The following DEDD variants were observed in gnomAD, a reference collection of about 807,000 sequenced individuals.
The protein encoded by DEDD is death effector domain-containing protein.
Under a neutral mutation model 29.2 loss-of-function variants are expected in DEDD, and 3 were observed. That is an observed-to-expected ratio of 0.10 (90% CI 0.05 to 0.27). DEDD has a LOEUF of 0.27. Among genes scored for constraint, DEDD ranks in the 10% least tolerant of loss-of-function variants. The pLI is 1.00. For missense variants in DEDD, 261 were observed against 420.5 expected, an observed-to-expected ratio of 0.62 and a Z score of 3.32; for synonymous variants, 152 against 161.3, an observed-to-expected ratio of 0.94 and a Z score of 0.44.
intron 4 of DEDD, 67 bp from the exon 5 acceptor site, chr1:161,123,288 G>T: frequency 1.4e-6 from 2 of 1,436,352 alleles, no homozygotes; most frequent in Non-Finnish European, 1.9e-6. Flanking sequence ...ACTTCTGTTG[G>T]AATGAGGAAG....
intron 2 of DEDD, chr1:161,124,795 T>G: frequency 4.6e-6 from 1 of 218,924 alleles, no homozygotes; most frequent in Non-Finnish European, 8.9e-6. Flanking sequence ...GACCCGTTTC[T>G]ACAAAAAAAG....
intron 2 of DEDD, among the ~76,000 whole-genome samples, chr1:161,126,672 A>G (rs776611088): frequency 1.3e-5 from 2 of 152,028 alleles, no homozygotes; most frequent in African/African-American, 2.4e-5. Context: ...ACACACATCA[A>G]GCCTTCTAAG....
chr1:161,127,069 T>G (rs759372244), intron 2 of DEDD, among the ~76,000 whole-genome samples: 9 of 152,222 alleles, frequency 5.9e-5, no homozygotes, highest in Non-Finnish European at 1.3e-4. Flanking sequence ...CATGGAGAGA[T>G]ATATTCATCT....
chr1:161,122,666 T>C lies in DEDD; in HGVS notation c.581-143A>G. The C allele has an allele frequency of 8.9e-7, 1 of 1,124,366 alleles. No individual in the cohort carries two copies. The highest frequency in any genetic ancestry group is 2.5e-5 in the East Asian group (1 of 40,460). The allele number at this position is 1,124,366 out of a possible 1,614,324, so 69.6% of individuals were successfully genotyped here. A position where few individuals can be genotyped will look rare whatever the true frequency, so the allele number is the denominator to read the frequency against. On this transcript the variant is annotated intron_variant, in intron 5 of 5. Coordinates refer to ENST00000368006, the MANE Select transcript of DEDD (RefSeq NM_032998.3). This position sits in a 1 kb window ranked among gnomAD's most constrained non-coding sequence, Gnocchi z 4.2. ...CTTCTCTACCTCTTCCCCAGGACTA[T>C]TTCTATGTATCTCTGAAATCCTTGC...
intron 2 of DEDD, among the ~76,000 whole-genome samples, chr1:161,129,751 C>G (rs1473694998): frequency 1.3e-5 from 2 of 152,104 alleles, no homozygotes; most frequent in South Asian, 2.1e-4. Flanking sequence ...AGAACTAACT[C>G]AAGTCTTGGT....
At chr1:161,123,760 C>A in intron 4 of DEDD, 79 bp downstream of exon 4, 1 of 1,299,458 alleles carries the variant, frequency 7.7e-7, no homozygotes, top group Non-Finnish European at 1.1e-6. Context: ...TTCATTTAAG[C>A]TGGCAAAGCC....
chr1:161,129,908 G>C (rs1332156142), intron 2 of DEDD, among the ~76,000 whole-genome samples: 1 of 152,200 alleles, frequency 6.6e-6, no homozygotes, highest in East Asian at 1.9e-4. Flanking sequence ...AGGAATTGTT[G>C]TATTTCCTGG....
Position 161,123,216 on chromosome 1 carries a change from G to A in DEDD, c.439C>T (p.Pro147Ser). 1 of 1,613,238 alleles carries A rather than the reference G, an allele frequency of 6.2e-7. No homozygotes were observed. Among genetic ancestry groups the A allele is most frequent in the Non-Finnish European group, 8.5e-7 (1 of 1,179,168 alleles). ...GGGCAACACACCACAGGATAGTGGG[G>A]AGGCACTGACCAGAAAGTAAAAGGG... ...RPPQPSKTVPPHYPVVCCPTS... is the reference protein window; with the variant it reads ...RPPQPSKTVPSHYPVVCCPTS... The change falls in exon 5 of 6, where the codon CCC (proline) becomes TCC (serine). Residue 147 changes from proline to serine, a missense_variant. Physicochemically the swap from Pro to Ser is moderately conservative, Grantham distance 74. Transcript: ENST00000368006.
rs1655428065 is a variant in DEDD, at chr1:161,120,986, G to A, written c.*1161C>T. 7.1e-7 allele frequency: 1 copy of A among 1,406,856 alleles called. No individual in the cohort carries two copies. Among genetic ancestry groups the A allele is most frequent in the Non-Finnish European group, 9.2e-7 (1 of 1,083,702 alleles). 87.1% of individuals were successfully genotyped at this position (1,406,856 alleles called of 1,614,324 possible). A position where few individuals can be genotyped will look rare whatever the true frequency, so the allele number is the denominator to read the frequency against. ...TTTCAGAAAGGTGGAATTTTATATA[G>A]TCATTGTTTATTTCATGGAAACTGA... On this transcript the variant is annotated 3_prime_UTR_variant, in exon 6 of 6. Coordinates refer to ENST00000368006, the MANE Select transcript of DEDD (RefSeq NM_032998.3).
chr1:161,123,301 A>G, intron 4 of DEDD, 80 bp from the exon 5 acceptor site: 1 of 1,366,878 alleles, frequency 7.3e-7, no homozygotes, highest in Non-Finnish European at 1.0e-6. Flanking sequence ...TGAGGAAGGA[A>G]TCATTTAGAC....
At position 161,121,919 on chromosome 1, in the gene DEDD, A is replaced by T. The variant is rs1655536511; in HGVS notation, c.*228T>A. 1 of 542,616 alleles carries T rather than the reference A, an allele frequency of 1.8e-6. No individual in the cohort carries two copies. The highest frequency in any genetic ancestry group is 3.1e-5 in the East Asian group (1 of 32,442). 33.6% of individuals were successfully genotyped at this position (542,616 alleles called of 1,614,324 possible). A position where few individuals can be genotyped will look rare whatever the true frequency, so the allele number is the denominator to read the frequency against. On this transcript the variant is annotated 3_prime_UTR_variant, in exon 6 of 6. Coordinates refer to ENST00000368006, the MANE Select transcript of DEDD (RefSeq NM_032998.3). ...GCTCAGTGGTAAGGTAGCTGTAGAG[A>T]CACATTACGGGGTAAATGGAAAAGG...
rs1417270332 is a variant in DEDD at position 161,121,092 on chromosome 1, A to C, written c.*1055T>G. 4 of 1,161,438 alleles carry C rather than the reference A, an allele frequency of 3.4e-6. No homozygotes were observed. Among genetic ancestry groups the C allele is most frequent in the Middle Eastern group, 3.7e-4 (1 of 2,668 alleles). The allele number at this position is 1,161,438 out of a possible 1,614,324, so 71.9% of individuals were successfully genotyped here. Reference sequence around the variant, plus strand: ...CTGTGTCTGGACATCGCCTTTGGGAACTAGAAGGGGAGTTGGTATTGTACC... The same window carrying C: ...CTGTGTCTGGACATCGCCTTTGGGACCTAGAAGGGGAGTTGGTATTGTACC... On this transcript the variant is annotated 3_prime_UTR_variant, in exon 6 of 6. Transcript: ENST00000368006.
intron 2 of DEDD, among the ~76,000 whole-genome samples, chr1:161,126,559 G>T (rs546911786): frequency 9.3e-4 from 142 of 151,916 alleles, no homozygotes; most frequent in Middle Eastern, 3.4e-3. Context: ...GGCCAGACTG[G>T]TCTCGAACTC....
chr1:161,121,021 G>A lies in DEDD; in HGVS notation c.*1126C>T. The A allele has an allele frequency of 7.3e-7, 1 of 1,371,736 alleles. No homozygotes were observed. The highest frequency in any genetic ancestry group is 9.4e-7 in the Non-Finnish European group (1 of 1,062,052). The allele number at this position is 1,371,736 out of a possible 1,614,324, so 85.0% of individuals were successfully genotyped here. A position where few individuals can be genotyped will look rare whatever the true frequency, so the allele number is the denominator to read the frequency against. On this transcript the variant is annotated 3_prime_UTR_variant, in exon 6 of 6. Coordinates refer to ENST00000368006, the MANE Select transcript of DEDD (RefSeq NM_032998.3). Reference sequence around the variant, plus strand: ...ATTTCATGGAAACTGAAGTTCTGCTGAGGGCTGAGCAGCACTGGCATTGAA... The same window carrying A: ...ATTTCATGGAAACTGAAGTTCTGCTAAGGGCTGAGCAGCACTGGCATTGAA...
chr1:161,123,645 A>C (rs1006123665), intron 4 of DEDD, among the ~76,000 whole-genome samples, 194 bp downstream of exon 4: 3 of 151,786 alleles, frequency 2.0e-5, no homozygotes, highest in Non-Finnish European at 4.4e-5. Context: ...CAAAAAAAAA[A>C]AAAAAAAAGA....
chr1:161,132,638 AGCCGCC>A lies in DEDD; in HGVS notation c.-191_-186del, dbSNP rs534289963. 3.0e-5 allele frequency: 5 copies of A among 166,752 alleles called. No individual in the cohort carries two copies. The highest frequency in any genetic ancestry group is 5.0e-5 in the Non-Finnish European group (4 of 79,876). The allele number at this position is 166,752 out of a possible 1,614,324, so 10.3% of individuals were successfully genotyped here. A position where few individuals can be genotyped will look rare whatever the true frequency, so the allele number is the denominator to read the frequency against. On this transcript the variant is annotated 5_prime_UTR_variant, in exon 1 of 6. Transcript: ENST00000368006. ...CACGGCGCCGCATCCGGGCTCCAGC[AGCCGCC>A]GCCGCCGCCGCCGCCGCGGCCGTGG...
Position 161,122,624 on chromosome 1 carries a change from G to C in DEDD, c.581-101C>G. ...AAAGCACAACAGAATAAAAAAGTAG[G>C]GAATATCACCTGACAGCTTCTCTAC... On this transcript the variant is annotated intron_variant, in intron 5 of 5. Transcript: ENST00000368006. The surrounding 1 kb of genome is among the most constrained non-coding windows in gnomAD (Gnocchi z 4.2). 1.4e-6 allele frequency: 2 copies of C among 1,427,558 alleles called. No homozygotes were observed. Among genetic ancestry groups the C allele is most frequent in the Non-Finnish European group, 1.9e-6 (2 of 1,057,546 alleles). 88.4% of individuals were successfully genotyped at this position (1,427,558 alleles called of 1,614,324 possible).
At chr1:161,132,524 C>G (rs1166235783) in intron 1 of DEDD, 27 bp downstream of exon 1, 2 of 154,412 alleles carry the variant, frequency 1.3e-5, no homozygotes, top group Non-Finnish European at 2.9e-5. Context: ...ACTCCCTCTC[C>G]CCACTCCGGC....
intron 2 of DEDD, among the ~76,000 whole-genome samples, chr1:161,125,873 C>T (rs530570797): frequency 6.6e-6 from 1 of 152,340 alleles, no homozygotes; most frequent in South Asian, 2.1e-4. Context: ...CCAATCACAG[C>T]TCCACATTCG....
Sources: allele counts gnomAD v4.1 joint callset (sites outside exome capture counted in the v4.1 genomes callset), GRCh38; gene constraint gnomAD v4.1.1; non-coding constraint Gnocchi (gnomAD v3.1); transcripts MANE v1.5; gene names NCBI Gene and HGNC (gene_info 2026-07-23, HGNC 2026-07-21).